Variants in CNTN5 observed in about 807,000 individuals in gnomAD.
CNTN5 encodes the protein contactin 5.
CNTN5 carries 77 observed loss-of-function variants against 129.1 expected under a neutral mutation model. That is an observed-to-expected ratio of 0.60 (90% CI 0.50 to 0.72). The LOEUF is 0.72. Among genes scored for constraint, CNTN5 ranks in the 30% least tolerant of loss-of-function variants. The pLI is 0.00. For synonymous variants in CNTN5, 509 were observed against 465.6 expected (o/e 1.09, Z -1.20); for missense variants, 1,478 against 1,328.8 (o/e 1.11, Z -1.75).
At chr11:99,718,797 A>C (rs75819167) in intron 3 of CNTN5, among the ~76,000 whole-genome samples, 2 of 152,094 alleles carry the variant, frequency 1.3e-5, no homozygotes, top group South Asian at 4.1e-4. Context: ...AAAATACCAC[A>C]GCTAAATAGG....
intron 2 of CNTN5, among the ~76,000 whole-genome samples, chr11:99,418,244 CAA>C (rs1335350978): frequency 6.6e-6 from 1 of 151,146 alleles, no homozygotes; most frequent in Non-Finnish European, 1.5e-5. Flanking sequence ...AATGGAAAAA[CAA>C]AAAAATTTAA....
At chr11:99,149,457 T>C (rs973042983) in intron 1 of CNTN5, among the ~76,000 whole-genome samples, 1 of 152,170 alleles carries the variant, frequency 6.6e-6, no homozygotes, top group Non-Finnish European at 1.5e-5. Context: ...ATTTCTTTTG[T>C]GAAGAATAGA....
intron 2 of CNTN5, among the ~76,000 whole-genome samples, chr11:99,341,247 T>C (rs1292338594): frequency 6.6e-6 from 1 of 152,170 alleles, no homozygotes; most frequent in Non-Finnish European, 1.5e-5. Context: ...AAACATTGAA[T>C]ATTTATTTAA....
intron 16 of CNTN5, among the ~76,000 whole-genome samples, chr11:100,227,877 C>T (rs925144398): frequency 2.6e-5 from 4 of 152,146 alleles, no homozygotes; most frequent in African/African-American, 9.7e-5. Context: ...GAGATAATCT[C>T]ACTGAGGAGG....
chr11:99,489,544 A>G (rs1010017319), intron 2 of CNTN5, among the ~76,000 whole-genome samples: 1 of 152,176 alleles, frequency 6.6e-6, no homozygotes, highest in Non-Finnish European at 1.5e-5. Flanking sequence ...TTTATTTGCT[A>G]ATACTGACAC....
rs1307689612 is a variant in CNTN5 at position 99,968,348 on chromosome 11, G to A, written c.877+11339G>A. Among the ~76,000 whole-genome samples the A allele has an allele frequency of 2.0e-5, 3 of 152,104 alleles. No homozygotes were observed. The South Asian group carries it at 6.2e-4, about 32-fold the overall frequency. On this transcript the variant is annotated intron_variant, in intron 8 of 24. Coordinates refer to ENST00000524871, the MANE Select transcript of CNTN5 (RefSeq NM_014361.4). ...TGTAGATAATCTACTATTTGGTGGT[G>A]GGGAGTCTATGATTTTCATTTTTAA...
At chr11:99,026,038 C>G (rs1277914436) in intron 1 of CNTN5, among the ~76,000 whole-genome samples, 1 of 151,526 alleles carries the variant, frequency 6.6e-6, no homozygotes, top group Non-Finnish European at 1.5e-5. Flanking sequence ...CTAAACTAGA[C>G]AAAATCCCTG....
Position 99,845,087 on chromosome 11 carries a change from A to G in CNTN5, c.402A>G (p.Arg134=), listed in dbSNP as rs200944602. ...EVRGNPVPSY[R]WLRNGTEIDL... The stretch of plus-strand genomic sequence containing the variant: ...ATTTGTCTTCTGATTTTTTCCTAAG[A>G]TGGCTTCGAAATGGAACAGAAATAG... Residue 134 remains arginine, a splice_region_variant and synonymous_variant, in exon 6 of 25, where the codon AGA becomes AGG. Transcript: ENST00000524871. 48 of 1,612,794 alleles carry G rather than the reference A, an allele frequency of 3.0e-5. No homozygotes were observed. In the African/African-American group the frequency reaches 5.9e-4, roughly 20 times the overall value.
chr11:99,985,103 G>A (rs1938596108), intron 8 of CNTN5, among the ~76,000 whole-genome samples: 1 of 152,184 alleles, frequency 6.6e-6, no homozygotes, highest in Non-Finnish European at 1.5e-5. Flanking sequence ...TGTATTATCA[G>A]CTTACTTAGC....
chr11:99,315,188 G>A (rs1865290438), intron 1 of CNTN5, among the ~76,000 whole-genome samples: 1 of 149,154 alleles, frequency 6.7e-6, no homozygotes, highest in East Asian at 2.0e-4. Flanking sequence ...AGCATAAATA[G>A]TTCACTGAGC....
intron 4 of CNTN5, among the ~76,000 whole-genome samples, chr11:99,832,237 A>G (rs1201091683): frequency 6.6e-6 from 1 of 152,242 alleles, no homozygotes; most frequent in Non-Finnish European, 1.5e-5. Flanking sequence ...TGCCCATTAA[A>G]ATGATATATA....
intron 18 of CNTN5, among the ~76,000 whole-genome samples, chr11:100,293,974 A>T (rs1256640322): frequency 6.6e-6 from 1 of 151,666 alleles, no homozygotes; most frequent in African/African-American, 2.4e-5. Flanking sequence ...AGAAAAAAAA[A>T]TTATTTTTTA....
chr11:100,168,222 G>A (rs1308474491), intron 13 of CNTN5, among the ~76,000 whole-genome samples: 1 of 151,934 alleles, frequency 6.6e-6, no homozygotes, highest in Non-Finnish European at 1.5e-5. Context: ...TTACCCAGAA[G>A]ATATAACTAA....
chr11:100,309,289 G>A, intron 21 of CNTN5: 2 of 984,184 alleles, frequency 2.0e-6, no homozygotes, highest in Non-Finnish European at 1.2e-6. Context: ...CAATGATCAA[G>A]TATAGGACTT....
chr11:99,606,254 G>A (rs1950411518), intron 3 of CNTN5, among the ~76,000 whole-genome samples: 1 of 122,720 alleles, frequency 8.1e-6, no homozygotes, highest in African/African-American at 3.1e-5. Flanking sequence ...CAAAGTCTCA[G>A]GATACAAAAT....
At chr11:99,948,367 T>C (rs1167404933) in intron 7 of CNTN5, among the ~76,000 whole-genome samples, 1 of 152,176 alleles carries the variant, frequency 6.6e-6, no homozygotes, top group Non-Finnish European at 1.5e-5. Flanking sequence ...ATCCTTACTG[T>C]TTGATATGGT....
intron 1 of CNTN5, among the ~76,000 whole-genome samples, chr11:99,238,872 T>C (rs897495627): frequency 2.6e-5 from 4 of 152,116 alleles, no homozygotes; most frequent in Admixed American, 2.6e-4. Context: ...TGCAAAAATA[T>C]ATTGATAGGA....
At chr11:100,285,779 C>T (rs965477632) in intron 18 of CNTN5, among the ~76,000 whole-genome samples, 52 of 152,330 alleles carry the variant, frequency 3.4e-4, no homozygotes, top group East Asian at 2.1e-3. Context: ...GGAACAGCTC[C>T]GGTCTACAGC....
At chr11:99,933,413 A>G (rs1409564903) in intron 7 of CNTN5, among the ~76,000 whole-genome samples, 1 of 152,182 alleles carries the variant, frequency 6.6e-6, no homozygotes, top group East Asian at 1.9e-4. Flanking sequence ...AATTAAGATA[A>G]AAGAAGTCAT....
Sources: allele counts gnomAD v4.1 joint callset (sites outside exome capture counted in the v4.1 genomes callset), GRCh38; gene constraint gnomAD v4.1.1; transcripts MANE v1.5; gene names NCBI Gene and HGNC (gene_info 2026-07-23, HGNC 2026-07-21).